ALG12: variants seen among roughly 807,000 people sequenced by gnomAD.
ALG12 encodes the protein ALG12 alpha-1,6-mannosyltransferase.
In ALG12, 36 loss-of-function variants were observed where a neutral mutation model predicts 46.0. The ratio of observed to expected loss-of-function variants is 0.78; its 90% CI spans 0.60 to 1.03. The LOEUF (loss-of-function observed/expected upper bound fraction) is 1.03, where lower values mean the gene tolerates loss of function less well. Ranked by LOEUF, ALG12 falls within the 50% of genes least tolerant of loss-of-function variation. The pLI is 0.00. For synonymous variants in ALG12, 326 were observed against 291.6 expected (o/e 1.12, Z -1.20); for missense variants, 599 against 633.5 (o/e 0.95, Z 0.58).
chr22:49,869,436 T>C, the ALG12 span, among the ~76,000 whole-genome samples: 14 of 152,344 alleles, frequency 9.2e-5, no homozygotes, highest in Admixed American at 3.9e-4. Context: ...CACTCTTGCG[T>C]GGACTTTAGT....
the ALG12 span, among the ~76,000 whole-genome samples, chr22:49,868,362 C>T: frequency 6.6e-6 from 1 of 152,134 alleles, no homozygotes; most frequent in Non-Finnish European, 1.5e-5. Context: ...GGTGGATCAC[C>T]CAGGATCAGG....
At chr22:49,877,484 G>T in the ALG12 span, among the ~76,000 whole-genome samples, 1 of 152,062 alleles carries the variant, frequency 6.6e-6, no homozygotes, top group South Asian at 2.1e-4. Context: ...TAGAGACGGG[G>T]TTTCACCATG....
the ALG12 span, chr22:49,884,619 G>A: frequency 6.2e-7 from 1 of 1,612,544 alleles, no homozygotes; most frequent in South Asian, 1.1e-5. Flanking sequence ...GGAAGAATGG[G>A]AAGGACCTGG....
intron 3 of ALG12, 64 bp downstream of exon 3, chr22:49,913,321 G>T: frequency 6.2e-7 from 1 of 1,607,218 alleles, no homozygotes; most frequent in East Asian, 2.2e-5. Context: ...CCGCGGCCTC[G>T]CTGAGGTCAC....
chr22:49,860,812 TCTGTTGCCCAGGCTGGAGTG>T, the ALG12 span, among the ~76,000 whole-genome samples: 1 of 150,046 alleles, frequency 6.7e-6, no homozygotes, highest in African/African-American at 2.5e-5. Context: ...AGAGTCTTGC[TCTGTTGCCCAGGCTGGAGTG>T]CAGTGGCTCG....
intron 7 of ALG12, 125 bp from the exon 8 acceptor site, chr22:49,904,631 A>T: frequency 9.2e-7 from 1 of 1,091,824 alleles, no homozygotes. Flanking sequence ...AGAGTTCACC[A>T]CCAAATAAAA....
Position 49,913,425 on chromosome 22 carries a change from A to C in ALG12, c.255T>G (p.Leu85=). 6.2e-7 allele frequency: 1 copy of C among 1,614,036 alleles called. No individual in the cohort carries two copies. Among genetic ancestry groups the C allele is most frequent in the Non-Finnish European group, 8.5e-7 (1 of 1,180,034 alleles). The change falls in exon 3 of 10, where the codon CTT becomes CTG. Residue 85 remains leucine (L), a synonymous_variant. Coordinates refer to ENST00000330817, the MANE Select transcript of ALG12 (RefSeq NM_024105.4). Reference sequence around the variant, plus strand: ...AAAACTTGGACATTTCTAACAGCGAAAGCACGTAAACCGCGGGGCTGGAGA... The same window carrying C: ...AAAACTTGGACATTTCTAACAGCGACAGCACGTAAACCGCGGGGCTGGAGA... ...AVFSSPAVYV[L]SLLEMSKFYS...
the ALG12 span, among the ~76,000 whole-genome samples, chr22:49,894,981 T>G: frequency 1.3e-5 from 2 of 152,058 alleles, no homozygotes; most frequent in African/African-American, 4.8e-5. Context: ...GGGAGTCACA[T>G]GTGGGAGTGA....
At chr22:49,908,011 C>G in intron 6 of ALG12, 67 bp from the exon 7 acceptor site, 1 of 1,524,734 alleles carries the variant, frequency 6.6e-7, no homozygotes. Flanking sequence ...GTGGCAGGGT[C>G]AAGGTGGAGA....
Position 49,904,010 on chromosome 22 carries a change from A to G in ALG12, c.1295T>C (p.Ile432Thr). The change falls in exon 10 of 10, where the codon ATC becomes ACC. Residue 432 changes from isoleucine to threonine, a missense_variant. Physicochemically the swap from Ile to Thr is moderately conservative, Grantham distance 89. Coordinates refer to ENST00000330817, the MANE Select transcript of ALG12 (RefSeq NM_024105.4). ...PGTGMLAYTH[I>T]LMEAAPGLLA... is the part of the protein sequence containing the mutation. ...GAGCCCAGGGGCCGCCTCCATGAGG[A>G]TGTGTGTGTATGCCAGCATGCCTGT... The G allele has an allele frequency of 6.2e-7, 1 of 1,614,058 alleles. No homozygotes were observed. Among genetic ancestry groups the G allele is most frequent in the Non-Finnish European group, 8.5e-7 (1 of 1,179,962 alleles).
chr22:49,863,082 G>A, the ALG12 span, among the ~76,000 whole-genome samples: 3 of 152,278 alleles, frequency 2.0e-5, no homozygotes, highest in South Asian at 2.1e-4. Context: ...TTGGTGGTTG[G>A]ACTCGTGCAT....
At chr22:49,859,818 G>A in the ALG12 span, among the ~76,000 whole-genome samples, 2 of 152,204 alleles carry the variant, frequency 1.3e-5, no homozygotes, top group African/African-American at 2.4e-5. Context: ...TTGAGCTCAG[G>A]AGTTCCAGAC....
chr22:49,869,443 T>TA, the ALG12 span, among the ~76,000 whole-genome samples: 4 of 152,246 alleles, frequency 2.6e-5, no homozygotes, highest in African/African-American at 4.8e-5. Flanking sequence ...GCGTGGACTT[T>TA]AGTGTGGGTC....
At chr22:49,883,261 G>A in the ALG12 span, 100,724 of 155,724 alleles carry the variant, frequency 0.65, 36,810 homozygotes, top group East Asian at 0.85. Context: ...ATATTTAGGC[G>A]GATGGAGCCA....
At position 49,900,934 on chromosome 22, in the gene ALG12, T is replaced by A. The variant is rs1274573139; in HGVS notation, c.*2904A>T. On this transcript the variant is annotated 3_prime_UTR_variant, in exon 10 of 10. Transcript: ENST00000330817. ...TCTAGATCCCGGTCTCTAACGCTGT[T>A]CCCCACCAAAGGGAGCCAAGACCCA... The A allele has an allele frequency of 6.6e-6, 1 of 152,188 alleles. No individual in the cohort carries two copies. The highest frequency in any genetic ancestry group is 1.5e-5 in the Non-Finnish European group (1 of 68,060). 9.4% of individuals were successfully genotyped at this position (152,188 alleles called of 1,614,324 possible).
At chr22:49,870,114 A>G in the ALG12 span, among the ~76,000 whole-genome samples, 4 of 152,188 alleles carry the variant, frequency 2.6e-5, no homozygotes, top group Non-Finnish European at 5.9e-5. Flanking sequence ...ACTTAGGATG[A>G]TGGTCTCCAG....
rs188676427 is a variant in ALG12, at chr22:49,908,619, G to C, written c.768+625C>G. ...TCGTTATGCTGTTCCATCTATGCGT[G>C]TATGTTTGACATAATTCCTAAGAAA... On this transcript the variant is annotated intron_variant, in intron 6 of 9. Coordinates refer to ENST00000330817, the MANE Select transcript of ALG12 (RefSeq NM_024105.4). Among the ~76,000 whole-genome samples the C allele has an allele frequency of 2.1e-5, 3 of 145,682 alleles. No individual in the cohort carries two copies. The East Asian group carries it at 5.9e-4, about 29-fold the overall frequency.
Position 49,903,683 on chromosome 22 carries a change from G to A in ALG12, c.*155C>T, listed in dbSNP as rs984329969. 5 of 855,276 alleles carry A rather than the reference G, an allele frequency of 5.8e-6. No individual in the cohort carries two copies. The African/African-American group carries it at 8.3e-5, about 14-fold the overall frequency. 53.0% of individuals were successfully genotyped at this position (855,276 alleles called of 1,614,324 possible). On this transcript the variant is annotated 3_prime_UTR_variant, in exon 10 of 10. Coordinates refer to ENST00000330817, the MANE Select transcript of ALG12 (RefSeq NM_024105.4). ...GAGCCCCAGCTGAGGCTGTGGAGGA[G>A]GCCCTGGACCTGGTCTGGTGTCTGT...
the ALG12 span, among the ~76,000 whole-genome samples, chr22:49,864,950 C>CCGCCCG: frequency 1.3e-5 from 1 of 74,736 alleles, no homozygotes; most frequent in East Asian, 4.2e-4. Flanking sequence ...CCCCCCCCCC[C>CCGCCCG]CCGTGAAGTC....
Sources: gnomAD v4.1 joint callset for allele counts (sites outside exome capture counted in the v4.1 genomes callset) on GRCh38, gnomAD v4.1.1 for gene constraint, MANE v1.5 for transcripts, NCBI Gene and HGNC (gene_info 2026-07-23, HGNC 2026-07-21) for gene names.